COTL1: variants seen among roughly 807,000 people sequenced by gnomAD.
The protein encoded by COTL1 is coactosin-like protein.
COTL1 carries 15 observed loss-of-function variants against 16.5 expected under a neutral mutation model. The ratio of observed to expected loss-of-function variants is 0.91; its 90% CI spans 0.61 to 1.40. COTL1 has a LOEUF of 1.40. COTL1 is among the 40% of genes most tolerant of loss of function. COTL1 has a pLI of 0.00. For synonymous variants in COTL1, 112 were observed against 85.3 expected, an observed-to-expected ratio of 1.31 and a Z score of -1.73; for missense variants, 220 against 201.5, an observed-to-expected ratio of 1.09 and a Z score of -0.56.
intron 2 of COTL1, among the ~76,000 whole-genome samples, chr16:84,605,642 G>C (rs942338883): frequency 1.3e-5 from 2 of 152,194 alleles, no homozygotes; most frequent in Non-Finnish European, 2.9e-5. Flanking sequence ...TGGCTTTGAA[G>C]ACAGAGGAAG....
At chr16:84,597,567 C>T (rs967129826) in intron 2 of COTL1, among the ~76,000 whole-genome samples, 1 of 152,248 alleles carries the variant, frequency 6.6e-6, no homozygotes, top group African/African-American at 2.4e-5. Flanking sequence ...AAACTGTGCT[C>T]GAATGAGCCC....
intron 2 of COTL1, among the ~76,000 whole-genome samples, chr16:84,616,856 C>T (rs557781762): frequency 2.1e-4 from 32 of 152,324 alleles, no homozygotes; most frequent in African/African-American, 7.0e-4. Flanking sequence ...CAAATGTCTA[C>T]AGAGACATTT....
chr16:84,604,537 C>A (rs1380308701), intron 2 of COTL1, among the ~76,000 whole-genome samples: 1 of 152,002 alleles, frequency 6.6e-6, no homozygotes, highest in Non-Finnish European at 1.5e-5. Flanking sequence ...CACGAGTGCC[C>A]AGCAGACCGT....
intron 2 of COTL1, among the ~76,000 whole-genome samples, chr16:84,615,853 T>TGTGTGTGTG (rs1905463717): frequency 6.7e-5 from 10 of 149,812 alleles, no homozygotes; most frequent in South Asian, 2.1e-4. Context: ...AATTTTAGTT[T>TGTGTGTGTG]TGTGTGTGTG....
At chr16:84,607,839 C>T (rs1245389838) in intron 2 of COTL1, among the ~76,000 whole-genome samples, 1 of 152,078 alleles carries the variant, frequency 6.6e-6, no homozygotes, top group African/African-American at 2.4e-5. Flanking sequence ...ATAGTAGATG[C>T]TCGAGAAATG....
chr16:84,592,858 C>T (rs1263171124), intron 2 of COTL1, among the ~76,000 whole-genome samples: 1 of 152,188 alleles, frequency 6.6e-6, no homozygotes, highest in Non-Finnish European at 1.5e-5. Flanking sequence ...CTAAGGAACA[C>T]GCAGCTCTCA....
chr16:84,574,563 C>T (rs1904409086), intron 3 of COTL1, among the ~76,000 whole-genome samples: 2 of 152,180 alleles, frequency 1.3e-5, no homozygotes, highest in Non-Finnish European at 2.9e-5. Flanking sequence ...AATTATGCAA[C>T]CAGCAAGTGG....
chr16:84,600,521 C>T (rs1905087040), intron 2 of COTL1, among the ~76,000 whole-genome samples: 3 of 152,142 alleles, frequency 2.0e-5, no homozygotes, highest in African/African-American at 7.2e-5. Context: ...CCGTGTTGGC[C>T]AGGCTGATCT....
At position 84,590,901 on chromosome 16, in the gene COTL1, G is replaced by A. The variant is rs577596540; in HGVS notation, c.161-639C>T. 1.2e-4 allele frequency among the ~76,000 whole-genome samples: 19 copies of A among 152,244 alleles called. No homozygotes were observed. Among genetic ancestry groups the A allele is most frequent in the African/African-American group, 4.3e-4 (18 of 41,540 alleles). On this transcript the variant is annotated intron_variant, in intron 2 of 3. Coordinates refer to ENST00000262428, the MANE Select transcript of COTL1 (RefSeq NM_021149.5). The surrounding 1 kb of genome is among the most constrained non-coding windows in gnomAD (Gnocchi z 5.5). ...GAAAATGGCTCTTAATTTGGCCCGG[G>A]ATATGGCTCCGAGGATATTTCACTT...
At chr16:84,567,368 A>G (rs1183381475) in intron 3 of COTL1, 1 of 158,224 alleles carries the variant, frequency 6.3e-6, no homozygotes, top group African/African-American at 2.4e-5. Flanking sequence ...GTGTGCAGGC[A>G]CTCCAAAAAA....
chr16:84,571,255 C>A (rs530631939), intron 3 of COTL1, among the ~76,000 whole-genome samples: 1 of 152,070 alleles, frequency 6.6e-6, no homozygotes, highest in Non-Finnish European at 1.5e-5. Context: ...GCCTGGGACT[C>A]GATGCAGCCC....
At chr16:84,608,413 A>G (rs1439904883) in intron 2 of COTL1, among the ~76,000 whole-genome samples, 1 of 152,232 alleles carries the variant, frequency 6.6e-6, no homozygotes, top group Admixed American at 6.5e-5. Flanking sequence ...CAAACAGAAA[A>G]GAAAGCACAA....
chr16:84,590,484 C>A lies in COTL1; in HGVS notation c.161-222G>T, dbSNP rs1904837229. ...GGCAACAGTGCTGCAGGCTTCATGC[C>A]CATTTCACAGATGGGAAATGGAGAT... On this transcript the variant is annotated intron_variant, in intron 2 of 3. Coordinates refer to ENST00000262428, the MANE Select transcript of COTL1 (RefSeq NM_021149.5). This position sits in a 1 kb window ranked among gnomAD's most constrained non-coding sequence, Gnocchi z 5.5. 4 of 411,922 alleles carry A rather than the reference C, an allele frequency of 9.7e-6. No homozygotes were observed. Among genetic ancestry groups the A allele is most frequent in the Non-Finnish European group, 1.7e-5 (4 of 231,942 alleles). 25.5% of individuals were successfully genotyped at this position (411,922 alleles called of 1,614,324 possible). A position where few individuals can be genotyped will look rare whatever the true frequency, so the allele number is the denominator to read the frequency against.
At chr16:84,575,042 T>C (rs1488960993) in intron 3 of COTL1, among the ~76,000 whole-genome samples, 5 of 152,222 alleles carry the variant, frequency 3.3e-5, no homozygotes, top group Non-Finnish European at 7.3e-5. Context: ...CTCATTTATT[T>C]ATTTATCTTT....
intron 2 of COTL1, chr16:84,596,294 C>T (rs185458801): frequency 2.6e-4 from 39 of 152,392 alleles, no homozygotes; most frequent in African/African-American, 9.1e-4. Context: ...GTTCAAATTC[C>T]AGAATCCTTT....
At chr16:84,582,468 G>C (rs917240851) in intron 3 of COTL1, among the ~76,000 whole-genome samples, 8 of 152,190 alleles carry the variant, frequency 5.3e-5, no homozygotes, top group African/African-American at 1.4e-4. Context: ...CTTAGCCCTT[G>C]TTATGTGCTA....
Position 84,566,792 on chromosome 16 carries a change from C to T in COTL1, c.*53G>A. On this transcript the variant is annotated 3_prime_UTR_variant, in exon 4 of 4. Coordinates refer to ENST00000262428, the MANE Select transcript of COTL1 (RefSeq NM_021149.5). ...GTAGCTGAGGCCGGCGGTCCTCTCC[C>T]CCGGGGAGCAGGCAGATGACTTTGG... 7.7e-7 allele frequency: 1 copy of T among 1,306,766 alleles called. No homozygotes were observed. Among genetic ancestry groups the T allele is most frequent in the Non-Finnish European group, 1.1e-6 (1 of 904,746 alleles). 80.9% of individuals were successfully genotyped at this position (1,306,766 alleles called of 1,614,324 possible).
At chr16:84,593,336 G>T (rs1320709137) in intron 2 of COTL1, among the ~76,000 whole-genome samples, 1 of 152,248 alleles carries the variant, frequency 6.6e-6, no homozygotes, top group Non-Finnish European at 1.5e-5. Context: ...CTGGATGTGA[G>T]AAGGTGAGGA....
chr16:84,566,997 A>C (rs1555521391), intron 3 of COTL1, 42 bp from the exon 4 acceptor site: 2 of 1,425,694 alleles, frequency 1.4e-6, no homozygotes, highest in South Asian at 2.3e-5. Flanking sequence ...ATTAAGAAGG[A>C]AGGCACAGGA....
Sources: gnomAD v4.1 joint callset for allele counts (sites outside exome capture counted in the v4.1 genomes callset) on GRCh38, gnomAD v4.1.1 for gene constraint, Gnocchi (gnomAD v3.1) non-coding constraint, MANE v1.5 for transcripts, NCBI Gene and HGNC (gene_info 2026-07-23, HGNC 2026-07-21) for gene names.